PPP6R2: variants seen among roughly 807,000 people sequenced by gnomAD.
PPP6R2 encodes the protein protein phosphatase 6 regulatory subunit 2.
A neutral mutation model predicts 100.2 loss-of-function variants in PPP6R2; 62 were observed. That is an observed-to-expected ratio of 0.62 (90% CI 0.50 to 0.76). The LOEUF (loss-of-function observed/expected upper bound fraction) is 0.76. PPP6R2 is among the 30% of genes least tolerant of loss of function. The probability of loss-of-function intolerance (pLI) is 0.00; values close to 1 mark genes in which losing one functional copy is unlikely to be tolerated. For synonymous variants in PPP6R2, 525 were observed against 514.7 expected, an observed-to-expected ratio of 1.02 and a Z score of -0.27; for missense variants, 1,142 against 1,276.3, an observed-to-expected ratio of 0.89 and a Z score of 1.60.
In PPP6R2 at chr22:50,439,694, C is replaced by T; in HGVS notation, c.2129-7C>T. The T allele has an allele frequency of 6.4e-7, 1 of 1,574,474 alleles. No homozygotes were observed. The highest frequency in any genetic ancestry group is 8.6e-7 in the Non-Finnish European group (1 of 1,158,882). On this transcript the variant is annotated splice_polypyrimidine_tract_variant and splice_region_variant and intron_variant, in intron 19 of 23. Coordinates refer to ENST00000612753, the MANE Select transcript of PPP6R2 (RefSeq NM_001242898.2). ...CACGCCTGACCACTGTGTCTCTCCC[C>T]CAGCAGGCGCCATGTGGACGGCAGT...
chr22:50,346,683 C>T (rs529543289), intron 1 of PPP6R2, among the ~76,000 whole-genome samples: 78 of 145,472 alleles, frequency 5.4e-4, no homozygotes, highest in African/African-American at 1.9e-3. Flanking sequence ...CTCCTCCTGT[C>T]GGTCAGTGCC....
intron 13 of PPP6R2, 73 bp downstream of exon 13, chr22:50,435,154 T>A: frequency 6.3e-6 from 8 of 1,268,390 alleles, no homozygotes; most frequent in Non-Finnish European, 8.4e-6. Flanking sequence ...CGCCTGAGAC[T>A]AAGCTCTGCC....
chr22:50,380,535 A>G (rs1231261115), intron 2 of PPP6R2, among the ~76,000 whole-genome samples: 2 of 149,750 alleles, frequency 1.3e-5, no homozygotes, highest in Non-Finnish European at 3.0e-5. Context: ...TAATTTTTGT[A>G]TTTTTAGTAG....
intron 4 of PPP6R2, among the ~76,000 whole-genome samples, chr22:50,413,503 A>G (rs2060058466): frequency 6.6e-6 from 1 of 152,174 alleles, no homozygotes; most frequent in South Asian, 2.1e-4. Context: ...CAAAAACATA[A>G]AAACAAAACT....
chr22:50,365,094 G>A (rs1364993071), intron 1 of PPP6R2, among the ~76,000 whole-genome samples: 1 of 138,846 alleles, frequency 7.2e-6, no homozygotes, highest in African/African-American at 2.7e-5. Flanking sequence ...TTTTTGAGAC[G>A]GAGTTTTGCT....
At chr22:50,357,929 C>A (rs181614471) in intron 1 of PPP6R2, among the ~76,000 whole-genome samples, 1 of 151,792 alleles carries the variant, frequency 6.6e-6, no homozygotes, top group Admixed American at 6.6e-5. Flanking sequence ...TGGCACCTGG[C>A]CCCTGGCTAA....
the PPP6R2 span, among the ~76,000 whole-genome samples, chr22:50,335,059 T>C: frequency 2.6e-5 from 4 of 151,948 alleles, no homozygotes; most frequent in African/African-American, 9.7e-5. Flanking sequence ...TGTTGAGTTG[T>C]TTTTATTTTT....
At chr22:50,339,314 G>T (rs2042341538), upstream of PPP6R2, among the ~76,000 whole-genome samples, 1 of 112,212 alleles carries the variant, frequency 8.9e-6, no homozygotes, top group South Asian at 3.6e-4. Context: ...TGTGTGTTGT[G>T]GGTGTAGTGT....
intron 3 of PPP6R2, among the ~76,000 whole-genome samples, chr22:50,398,638 C>A (rs1229287293): frequency 6.6e-6 from 1 of 151,152 alleles, no homozygotes; most frequent in African/African-American, 2.4e-5. Flanking sequence ...ACCTCGGTCT[C>A]CTTAGTAGCT....
intron 3 of PPP6R2, among the ~76,000 whole-genome samples, chr22:50,397,234 CT>C (rs1270131935): frequency 6.6e-6 from 1 of 151,888 alleles, no homozygotes; most frequent in African/African-American, 2.4e-5. Context: ...TACCCTGTGA[CT>C]TCGGAGGGAG....
At chr22:50,379,080 G>T (rs1185043153) in intron 2 of PPP6R2, among the ~76,000 whole-genome samples, 2 of 152,064 alleles carry the variant, frequency 1.3e-5, no homozygotes, top group African/African-American at 4.8e-5. Flanking sequence ...CCTTGGTTTT[G>T]GATTTCCCAT....
At chr22:50,438,117 G>A in intron 17 of PPP6R2, 57 bp from the exon 18 acceptor site, 2 of 1,570,180 alleles carry the variant, frequency 1.3e-6, no homozygotes, top group South Asian at 1.2e-5. Flanking sequence ...TATGGGGAGA[G>A]CGGCTCCTGT....
intron 13 of PPP6R2, 73 bp downstream of exon 13, chr22:50,435,154 T>G: frequency 7.9e-7 from 1 of 1,268,398 alleles, no homozygotes; most frequent in Non-Finnish European, 1.1e-6. Context: ...CGCCTGAGAC[T>G]AAGCTCTGCC....
Position 50,394,077 on chromosome 22 carries a change from C to T in PPP6R2, c.169C>T (p.Leu57=), listed in dbSNP as rs201892119. The change falls in exon 3 of 24, where the codon CTG becomes TTG. Residue 57 remains leucine (L), a synonymous_variant. Coordinates refer to ENST00000612753, the MANE Select transcript of PPP6R2 (RefSeq NM_001242898.2). Reference sequence around the variant, plus strand: ...GTGCAGGCAGCAGTGCATGGAGGAGCTGGTGAGCCTCATCACACAGGATCC... The same window carrying T: ...GTGCAGGCAGCAGTGCATGGAGGAGTTGGTGAGCCTCATCACACAGGATCC... The part of the protein sequence containing the change: ...FLCRQQCMEE[L]VSLITQDPPL... 104 of 1,614,180 alleles carry T rather than the reference C, an allele frequency of 6.4e-5. No homozygotes were observed. In the East Asian group the frequency reaches 1.7e-3, roughly 26 times the overall value.
chr22:50,335,594 T>C, the PPP6R2 span, among the ~76,000 whole-genome samples: 3 of 150,826 alleles, frequency 2.0e-5, no homozygotes, highest in Non-Finnish European at 4.4e-5. Context: ...ACACTGCAAC[T>C]TCCACCTCCT....
rs145142446 is a variant in PPP6R2, at chr22:50,432,736, G to A, written c.1400+407G>A. ...CTTAATGGGTGCTCCCTCTGGTCAG[G>A]ACACATGTCCCGCTTATTGTCGTGG... On this transcript the variant is annotated intron_variant, in intron 12 of 23. Transcript: ENST00000612753. Among the ~76,000 whole-genome samples the A allele has an allele frequency of 3.4e-3, 511 of 152,356 alleles. 1 individual carries two copies. The highest frequency in any genetic ancestry group is 5.9e-3 in the Non-Finnish European group (402 of 68,032).
intron 2 of PPP6R2, among the ~76,000 whole-genome samples, chr22:50,377,780 G>A (rs1042912522): frequency 1.2e-4 from 18 of 152,038 alleles, no homozygotes; most frequent in African/African-American, 2.4e-4. Flanking sequence ...AGGCTGAGGC[G>A]GGAGGATCAC....
intron 10 of PPP6R2, among the ~76,000 whole-genome samples, chr22:50,429,954 C>T (rs995901094): frequency 2.6e-5 from 4 of 152,224 alleles, no homozygotes; most frequent in Admixed American, 2.0e-4. Context: ...GCTCCAACCC[C>T]ACTGTGTGGA....
rs778760300 is a variant in PPP6R2 at position 50,439,965 on chromosome 22, G to A, written c.2290G>A (p.Glu764Lys). ...FTDFQPFCCS[E>K]SGPRCSSPVD... ...TGTCCTCGTCCTTGTATGCAGCTCC[G>A]AGTCAGGGCCCAGGTGCAGCTCTCC... The change falls in exon 21 of 24, where the codon GAG (glutamate) becomes AAG (lysine). Residue 764 changes from glutamate (E) to lysine (K), a missense_variant. By Grantham distance (56) the Glu-to-Lys change is moderately conservative (BLOSUM62 1). Coordinates refer to ENST00000612753, the MANE Select transcript of PPP6R2 (RefSeq NM_001242898.2). 5.0e-6 allele frequency: 8 copies of A among 1,613,516 alleles called. No homozygotes were observed. Among genetic ancestry groups the A allele is most frequent in the East Asian group, 4.5e-5 (2 of 44,886 alleles).
Sources: gnomAD v4.1 joint callset for allele counts (sites outside exome capture counted in the v4.1 genomes callset) on GRCh38, gnomAD v4.1.1 for gene constraint, MANE v1.5 for transcripts, NCBI Gene and HGNC (gene_info 2026-07-23, HGNC 2026-07-21) for gene names.